The following CCDC178 variants were observed in gnomAD, a reference collection of about 807,000 sequenced individuals.
CCDC178 encodes the protein coiled-coil domain containing 178.
In CCDC178, 126 loss-of-function variants were observed where a neutral mutation model predicts 117.4. The observed-to-expected ratio is 1.07, with a 90% confidence interval of 0.93 to 1.24. The LOEUF (loss-of-function observed/expected upper bound fraction) is 1.24. Ranked by LOEUF, CCDC178 falls within the 50% of genes most tolerant of loss-of-function variation. The pLI, the probability that CCDC178 is intolerant of heterozygous loss-of-function variation, is 0.00. For missense variants in CCDC178, 1,030 were observed against 986.9 expected, an observed-to-expected ratio of 1.04 and a Z score of -0.59; for synonymous variants, 283 against 313.4, an observed-to-expected ratio of 0.90 and a Z score of 1.02.
chr18:33,299,067 A>C (rs2062142939), intron 11 of CCDC178, among the ~76,000 whole-genome samples: 1 of 152,176 alleles, frequency 6.6e-6, no homozygotes, highest in Non-Finnish European at 1.5e-5. Flanking sequence ...ATTTAAATGC[A>C]ATTCGTATCA....
intron 20 of CCDC178, among the ~76,000 whole-genome samples, chr18:33,149,136 A>G (rs1475855416): frequency 1.3e-5 from 2 of 152,216 alleles, no homozygotes; most frequent in Non-Finnish European, 2.9e-5. Flanking sequence ...GGATCCCCAC[A>G]CATAGGAAAT....
At chr18:32,972,835 C>T (rs930108754) in intron 22 of CCDC178, among the ~76,000 whole-genome samples, 2 of 152,170 alleles carry the variant, frequency 1.3e-5, no homozygotes, top group Admixed American at 1.3e-4. Context: ...CATATTTCCA[C>T]TGTTTTGTAG....
intron 12 of CCDC178, among the ~76,000 whole-genome samples, chr18:33,283,539 C>T (rs1028690915): frequency 6.6e-6 from 1 of 151,936 alleles, no homozygotes; most frequent in Non-Finnish European, 1.5e-5. Flanking sequence ...TAATATCTAG[C>T]GTTTATAAGG....
At chr18:33,378,885 G>A (rs369603062) in intron 5 of CCDC178, among the ~76,000 whole-genome samples, 1 of 151,616 alleles carries the variant, frequency 6.6e-6, no homozygotes. Flanking sequence ...AAGGATATTG[G>A]CCTGTTGTTT....
At chr18:32,953,974 C>T (rs2054541897) in intron 22 of CCDC178, 1 of 151,898 alleles carries the variant, frequency 6.6e-6, no homozygotes, top group African/African-American at 2.4e-5. Flanking sequence ...TTTTTTTTCC[C>T]TAGCCTCACA....
At chr18:33,324,119 T>A (rs1016380259) in intron 10 of CCDC178, among the ~76,000 whole-genome samples, 8 of 151,846 alleles carry the variant, frequency 5.3e-5, no homozygotes, top group African/African-American at 1.9e-4. Flanking sequence ...TGAACAAACA[T>A]CATACTAATC....
intron 20 of CCDC178, among the ~76,000 whole-genome samples, chr18:33,143,510 T>C (rs970739614): frequency 1.3e-5 from 2 of 152,172 alleles, no homozygotes; most frequent in Non-Finnish European, 2.9e-5. Context: ...ATAAGTGTTA[T>C]ACAAATGCAT....
chr18:32,987,017 G>A (rs963807504), intron 21 of CCDC178, among the ~76,000 whole-genome samples: 1 of 151,296 alleles, frequency 6.6e-6, no homozygotes, highest in Non-Finnish European at 1.5e-5. Flanking sequence ...TCAAGAAAAG[G>A]AGGAGAAAAA....
chr18:33,364,973 G>A (rs951875075), intron 6 of CCDC178, among the ~76,000 whole-genome samples: 1 of 151,910 alleles, frequency 6.6e-6, no homozygotes. Flanking sequence ...GAGTGGGGAT[G>A]GCAGACCATC....
intron 22 of CCDC178, among the ~76,000 whole-genome samples, chr18:32,968,937 A>G (rs945870854): frequency 2.6e-5 from 4 of 151,856 alleles, no homozygotes; most frequent in African/African-American, 9.7e-5. Flanking sequence ...AACTATCCCT[A>G]TATCTAGTTG....
At chr18:33,068,002 C>T (rs754495765) in intron 21 of CCDC178, among the ~76,000 whole-genome samples, 35 of 151,686 alleles carry the variant, frequency 2.3e-4, no homozygotes, top group Non-Finnish European at 4.3e-4. Context: ...CATTATGATA[C>T]CACAGAAATA....
intron 20 of CCDC178, among the ~76,000 whole-genome samples, chr18:33,199,451 A>G (rs2058968200): frequency 6.6e-6 from 1 of 152,130 alleles, no homozygotes; most frequent in South Asian, 2.1e-4. Context: ...TTACTTCAGT[A>G]TCTATTGTGA....
rs567797544 is a variant in CCDC178, at chr18:33,162,011, T to C, written c.2238+49885A>G. On this transcript the variant is annotated intron_variant, in intron 20 of 22. Transcript: ENST00000383096. ...ATCGCCACACTGACTTCCACAATGG[T>C]TGAACTAGTTTACAGTCCCACCAAC... Among the ~76,000 whole-genome samples the C allele has an allele frequency of 3.9e-5, 6 of 152,306 alleles. 1 individual carries two copies. The highest frequency in any genetic ancestry group is 3.3e-4 in the Admixed American group (5 of 15,290).
chr18:33,384,880 T>C (rs956653393), intron 5 of CCDC178, among the ~76,000 whole-genome samples: 6 of 152,062 alleles, frequency 3.9e-5, no homozygotes, highest in Non-Finnish European at 5.9e-5. Context: ...ACCTTAAATA[T>C]AAATAGCCTA....
chr18:32,991,340 T>C lies in CCDC178; in HGVS notation c.2389-16659A>G, dbSNP rs186009060. Among the ~76,000 whole-genome samples, 269 of 152,040 alleles carry C rather than the reference T, an allele frequency of 1.8e-3. 2 individuals are homozygous for C. The highest frequency in any genetic ancestry group is 6.2e-3 in the African/African-American group (256 of 41,466). The stretch of plus-strand genomic sequence containing the variant: ...GGTGTCAAATGCACACTAATGAAAA[T>C]AAGGGGCCAGGATAACTATGCCTAA... On this transcript the variant is annotated intron_variant, in intron 21 of 22. Transcript: ENST00000383096.
Position 33,370,154 on chromosome 18 carries a change from G to A in CCDC178, c.244C>T (p.Arg82Ter), listed in dbSNP as rs1462269116. The A allele has an allele frequency of 6.2e-6, 10 of 1,603,618 alleles. No homozygotes were observed. In the East Asian group the frequency reaches 1.4e-4, roughly 22 times the overall value. ...NKGIYFSYPC[R>*]RHSCAVVNIP... is the part of the protein sequence containing the mutation. The stretch of plus-strand genomic sequence containing the variant: ...TTTACTACGGCACAGCTGTGACGTC[G>A]ACATGGGTAGCTAAAGTAAATGCCT... The change falls in exon 6 of 23, where the codon CGA becomes TGA. Residue 82 changes from arginine to a stop codon, truncating the protein, a stop_gained. Coordinates refer to ENST00000383096, the MANE Select transcript of CCDC178 (RefSeq NM_001105528.4). LOFTEE classifies it high-confidence loss of function.
chr18:33,359,197 A>C (rs911214702), intron 6 of CCDC178, among the ~76,000 whole-genome samples: 2 of 151,832 alleles, frequency 1.3e-5, no homozygotes, highest in African/African-American at 4.8e-5. Flanking sequence ...ACAAGTTAGT[A>C]ATAATTAATA....
intron 9 of CCDC178, among the ~76,000 whole-genome samples, chr18:33,345,952 CA>C (rs2062886405): frequency 6.6e-6 from 1 of 152,042 alleles, no homozygotes; most frequent in Non-Finnish European, 1.5e-5. Context: ...CTCAGCCTCC[CA>C]AGTAGTTGAG....
intron 14 of CCDC178, among the ~76,000 whole-genome samples, chr18:33,245,788 A>G (rs2059542789): frequency 6.6e-6 from 1 of 151,948 alleles, no homozygotes; most frequent in Admixed American, 6.6e-5. Flanking sequence ...GTTCAATGGA[A>G]AAGCCTAAAC....
Sources: allele counts gnomAD v4.1 joint callset (sites outside exome capture counted in the v4.1 genomes callset), GRCh38; gene constraint gnomAD v4.1.1; transcripts MANE v1.5; gene names NCBI Gene and HGNC (gene_info 2026-07-23, HGNC 2026-07-21).